The following LHFPL3 variants were observed in gnomAD, a reference collection of about 807,000 sequenced individuals.
LHFPL3 encodes the protein LHFPL tetraspan subfamily member 3.
LHFPL3 carries 5 observed loss-of-function variants against 19.3 expected under a neutral mutation model. That is an observed-to-expected ratio of 0.26 (90% confidence interval 0.14 to 0.54). The LOEUF (loss-of-function observed/expected upper bound fraction) is 0.54, where lower values mean the gene tolerates loss of function less well. LHFPL3 is among the 20% of genes least tolerant of loss of function. The probability of loss-of-function intolerance (pLI) is 0.94; values close to 1 mark genes in which losing one functional copy is unlikely to be tolerated. For synonymous variants in LHFPL3, 133 were observed against 126.2 expected (o/e 1.05, Z -0.36); for missense variants, 249 against 307.4 (o/e 0.81, Z 1.42).
intron 2 of LHFPL3, among the ~76,000 whole-genome samples, chr7:104,877,942 C>T (rs1584593238): frequency 6.6e-6 from 1 of 151,870 alleles, no homozygotes; most frequent in African/African-American, 2.4e-5. Flanking sequence ...CAAGCGATTC[C>T]CCTGCCTCAG....
At chr7:104,721,532 G>C (rs1334395492) in intron 1 of LHFPL3, among the ~76,000 whole-genome samples, 1 of 146,684 alleles carries the variant, frequency 6.8e-6, no homozygotes, top group Non-Finnish European at 1.5e-5. Context: ...AGAACTTAAA[G>C]TATAATTAAA....
rs898545162 is a variant in LHFPL3 at position 104,633,631 on chromosome 7, A to T, written c.446-103044A>T. 2.0e-5 allele frequency among the ~76,000 whole-genome samples: 3 copies of T among 152,166 alleles called. No homozygotes were observed. In the East Asian group the frequency reaches 5.8e-4, roughly 29 times the overall value. On this transcript the variant is annotated intron_variant, in intron 1 of 2. Coordinates refer to ENST00000424859, the MANE Select transcript of LHFPL3 (RefSeq NM_199000.3). ...TATCAGATGTACTGTCCACTTGTTCATTACAATATGGCAGTGAAGGATCAT... is the reference window on the plus strand; with the variant it reads ...TATCAGATGTACTGTCCACTTGTTCTTTACAATATGGCAGTGAAGGATCAT...
At position 104,908,033 on chromosome 7, in the gene LHFPL3, C is replaced by T. The variant is rs892050152; in HGVS notation, c.*1818C>T. ...TAGCTCCCTACTACATCCATAACAC[C>T]CTACTTACTAAATTTAATTACACAC... On this transcript the variant is annotated 3_prime_UTR_variant, in exon 3 of 3. Transcript: ENST00000424859. 3.9e-5 allele frequency among the ~76,000 whole-genome samples: 6 copies of T among 152,082 alleles called. No homozygotes were observed. Among genetic ancestry groups the T allele is most frequent in the Middle Eastern group, 3.2e-3 (1 of 316 alleles).
At chr7:104,542,288 T>G (rs1182684624) in intron 1 of LHFPL3, among the ~76,000 whole-genome samples, 1 of 152,000 alleles carries the variant, frequency 6.6e-6, no homozygotes, top group Non-Finnish European at 1.5e-5. Context: ...AACTTTGACT[T>G]TGTTTCCCTA....
intron 2 of LHFPL3, among the ~76,000 whole-genome samples, chr7:104,865,262 C>T (rs188834455): frequency 1.8e-4 from 27 of 151,938 alleles, no homozygotes; most frequent in South Asian, 8.3e-4. Context: ...AGGCTTCAGA[C>T]GATCAAACTA....
intron 1 of LHFPL3, among the ~76,000 whole-genome samples, chr7:104,544,503 A>T (rs1794544310): frequency 6.6e-6 from 1 of 152,094 alleles, no homozygotes; most frequent in South Asian, 2.1e-4. Context: ...GAAATGTAAC[A>T]TTTTCTTCTC....
intron 1 of LHFPL3, among the ~76,000 whole-genome samples, chr7:104,526,901 T>G (rs752402904): frequency 6.6e-6 from 1 of 152,126 alleles, no homozygotes; most frequent in Non-Finnish European, 1.5e-5. Context: ...TACACTCTAG[T>G]GGGGAGACAG....
At chr7:104,901,903 G>C (rs911821064) in intron 2 of LHFPL3, among the ~76,000 whole-genome samples, 3 of 152,016 alleles carry the variant, frequency 2.0e-5, no homozygotes, top group Non-Finnish European at 2.9e-5. Flanking sequence ...CCTCACACTT[G>C]CATGACCCTG....
intron 2 of LHFPL3, among the ~76,000 whole-genome samples, chr7:104,773,602 A>T (rs1182805167): frequency 1.3e-5 from 2 of 152,164 alleles, no homozygotes; most frequent in Non-Finnish European, 2.9e-5. Context: ...TCTGTCCCTT[A>T]CCTGGAAATA....
At chr7:104,647,130 C>G (rs1225733015) in intron 1 of LHFPL3, among the ~76,000 whole-genome samples, 1 of 152,200 alleles carries the variant, frequency 6.6e-6, no homozygotes, top group Non-Finnish European at 1.5e-5. Context: ...ACAAAAGCAC[C>G]AATCTTCCTG....
intron 1 of LHFPL3, among the ~76,000 whole-genome samples, chr7:104,507,779 C>G (rs757943311): frequency 7.4e-4 from 96 of 129,982 alleles, no homozygotes; most frequent in African/African-American, 2.6e-3. Context: ...ACAAACAACC[C>G]CATCAAAAAG....
chr7:104,375,420 T>C (rs1415272042), intron 1 of LHFPL3, among the ~76,000 whole-genome samples: 1 of 152,100 alleles, frequency 6.6e-6, no homozygotes, highest in Non-Finnish European at 1.5e-5. Context: ...TAAAATTTGG[T>C]GTGTTTGGCA....
intron 2 of LHFPL3, among the ~76,000 whole-genome samples, chr7:104,877,242 G>T (rs571555339): frequency 6.6e-6 from 1 of 151,802 alleles, no homozygotes; most frequent in Non-Finnish European, 1.5e-5. Flanking sequence ...AAACCTGCAC[G>T]TTGTGCACAT....
At chr7:104,359,881 G>T (rs751772532) in intron 1 of LHFPL3, among the ~76,000 whole-genome samples, 3 of 152,214 alleles carry the variant, frequency 2.0e-5, no homozygotes, top group Non-Finnish European at 4.4e-5. Flanking sequence ...ATTGTATGTT[G>T]GATGTATAAG....
intron 1 of LHFPL3, among the ~76,000 whole-genome samples, chr7:104,432,559 A>G (rs1420087947): frequency 6.6e-6 from 1 of 152,062 alleles, no homozygotes; most frequent in African/African-American, 2.4e-5. Context: ...TGCCACCTAC[A>G]TGCTGAAGGT....
intron 2 of LHFPL3, among the ~76,000 whole-genome samples, chr7:104,743,776 CA>C (rs1793981953): frequency 6.6e-6 from 1 of 152,174 alleles, no homozygotes; most frequent in Admixed American, 6.5e-5. Context: ...GACTCAAACA[CA>C]AATCATTTTA....
chr7:104,525,417 C>T (rs1166129620), intron 1 of LHFPL3, among the ~76,000 whole-genome samples: 1 of 151,926 alleles, frequency 6.6e-6, no homozygotes, highest in Non-Finnish European at 1.5e-5. Context: ...CTTTTGGTTG[C>T]AAGTGACAGA....
chr7:104,775,830 T>C (rs1323733356), intron 2 of LHFPL3, among the ~76,000 whole-genome samples: 1 of 145,366 alleles, frequency 6.9e-6, no homozygotes, highest in Non-Finnish European at 1.5e-5. Context: ...TTCTTCTAGG[T>C]TCCCTGGGAG....
At chr7:104,557,508 T>G (rs1789871807) in intron 1 of LHFPL3, among the ~76,000 whole-genome samples, 1 of 152,042 alleles carries the variant, frequency 6.6e-6, no homozygotes, top group Non-Finnish European at 1.5e-5. Flanking sequence ...AATTCAATCA[T>G]CTCACACAGC....
Sources: gnomAD v4.1 joint callset for allele counts (sites outside exome capture counted in the v4.1 genomes callset) on GRCh38, gnomAD v4.1.1 for gene constraint, MANE v1.5 for transcripts, NCBI Gene and HGNC (gene_info 2026-07-23, HGNC 2026-07-21) for gene names.